KCTD1: variants seen among roughly 807,000 people sequenced by gnomAD.
The protein encoded by KCTD1 is potassium channel tetramerization domain containing 1.
In KCTD1, 24 loss-of-function variants were observed where a neutral mutation model predicts 66.0. That is an observed-to-expected ratio of 0.36 (90% CI 0.26 to 0.51). The LOEUF (loss-of-function observed/expected upper bound fraction) is 0.51. KCTD1 is among the 20% of genes least tolerant of loss of function. The pLI is 0.95. For synonymous variants in KCTD1, 511 were observed against 517.2 expected (o/e 0.99, Z 0.16); for missense variants, 943 against 1,205.2 (o/e 0.78, Z 3.22).
chr18:26,650,033 C>T (rs1988000537), intron 1 of KCTD1, among the ~76,000 whole-genome samples: 1 of 152,170 alleles, frequency 6.6e-6, no homozygotes, highest in Non-Finnish European at 1.5e-5. Context: ...TAAGTGTCTG[C>T]AGATTTTGGA....
intron 2 of KCTD1, among the ~76,000 whole-genome samples, chr18:26,479,385 C>CG (rs1555633746): frequency 2.6e-5 from 4 of 152,218 alleles, no homozygotes; most frequent in Non-Finnish European, 5.9e-5. Flanking sequence ...GGCCCTGTCT[C>CG]GGGGGCCCCC....
At chr18:26,464,377 G>A (rs1210962966) in intron 3 of KCTD1, among the ~76,000 whole-genome samples, 4 of 152,138 alleles carry the variant, frequency 2.6e-5, no homozygotes, top group African/African-American at 9.7e-5. Flanking sequence ...AATAAGGACC[G>A]CTGTGATTAT....
intron 1 of KCTD1, among the ~76,000 whole-genome samples, chr18:26,598,318 A>G (rs1986814057): frequency 6.6e-6 from 1 of 152,240 alleles, no homozygotes; most frequent in Non-Finnish European, 1.5e-5. Flanking sequence ...TATTCCATGT[A>G]GGGATGTACT....
chr18:26,584,769 A>G (rs1449785945), intron 1 of KCTD1, among the ~76,000 whole-genome samples: 1 of 152,176 alleles, frequency 6.6e-6, no homozygotes, highest in African/African-American at 2.4e-5. Flanking sequence ...AGGCTGAGGC[A>G]AGAAAGGGTT....
At chr18:26,584,758 G>A (rs1986434920) in intron 1 of KCTD1, among the ~76,000 whole-genome samples, 1 of 152,156 alleles carries the variant, frequency 6.6e-6, no homozygotes, top group Non-Finnish European at 1.5e-5. Context: ...TGTGATGATG[G>A]AGGCTGAGGC....
chr18:26,470,641 G>A (rs1050930682), intron 3 of KCTD1, among the ~76,000 whole-genome samples: 4 of 152,196 alleles, frequency 2.6e-5, no homozygotes, highest in Non-Finnish European at 4.4e-5. Flanking sequence ...AGTGTAAGCC[G>A]CTGTTAATTG....
At chr18:26,549,404 C>T, upstream of KCTD1, 1 of 985,538 alleles carries the variant, frequency 1.0e-6, no homozygotes. Flanking sequence ...GGGCGCTCCC[C>T]GTAGGTCTGG....
chr18:26,569,919 G>A (rs1252735777), intron 1 of KCTD1, among the ~76,000 whole-genome samples: 1 of 152,170 alleles, frequency 6.6e-6, no homozygotes, highest in Non-Finnish European at 1.5e-5. Flanking sequence ...GGGTGCAGTG[G>A]CTCACGCCTG....
chr18:26,571,030 T>C (rs1337912381), intron 1 of KCTD1, among the ~76,000 whole-genome samples: 2 of 152,250 alleles, frequency 1.3e-5, no homozygotes, highest in African/African-American at 2.4e-5. Context: ...TTATTGCTAA[T>C]TATAAAATAT....
At chr18:26,625,379 C>G (rs522724) in intron 1 of KCTD1, among the ~76,000 whole-genome samples, 128,997 of 152,096 alleles carry the variant, frequency 0.85, 55,632 homozygotes, top group Middle Eastern at 0.94. Context: ...GGGAGGGACC[C>G]AGTGGGAGAT....
At chr18:26,544,249 A>G (rs1985108279) in intron 1 of KCTD1, 2 of 152,238 alleles carry the variant, frequency 1.3e-5, no homozygotes, top group Admixed American at 1.3e-4. Flanking sequence ...AAAGCCAGAT[A>G]CTTCACATGA....
At chr18:26,503,804 G>A (rs1982891054) in intron 1 of KCTD1, among the ~76,000 whole-genome samples, 1 of 122,804 alleles carries the variant, frequency 8.1e-6, no homozygotes, top group Admixed American at 1.1e-4. Flanking sequence ...AAATGCAATG[G>A]ATATTGCTAA....
At chr18:26,546,225 TAAA>T in intron 1 of KCTD1, among the ~76,000 whole-genome samples, 1 of 142,096 alleles carries the variant, frequency 7.0e-6, no homozygotes, top group East Asian at 2.0e-4. Context: ...CCCTTTTCTT[TAAA>T]AAAAAAAAAA....
intron 1 of KCTD1, among the ~76,000 whole-genome samples, chr18:26,563,009 GCTC>G (rs1261389142): frequency 3.9e-5 from 6 of 152,148 alleles, no homozygotes; most frequent in African/African-American, 1.4e-4. Context: ...ATCCAAATCT[GCTC>G]CTCCTGCTTT....
In KCTD1 at chr18:26,495,555, G is replaced by A. The variant is rs147417942; in HGVS notation, c.1988+5517C>T. Among the ~76,000 whole-genome samples, 402 of 152,194 alleles carry A rather than the reference G, an allele frequency of 2.6e-3. 2 individuals are homozygous for A. Among genetic ancestry groups the A allele is most frequent in the African/African-American group, 9.0e-3 (375 of 41,518 alleles). On this transcript the variant is annotated intron_variant, in intron 2 of 4. Coordinates refer to ENST00000580059, the MANE Select transcript of KCTD1 (RefSeq NM_001142730.3). ...CAAGGCTGAAAGTAGAGTTTCTTGC[G>A]TTTTGCAATTACCTACATATGCCAG...
At chr18:26,558,650 G>C (rs1411994900) in intron 1 of KCTD1, among the ~76,000 whole-genome samples, 2 of 152,210 alleles carry the variant, frequency 1.3e-5, no homozygotes, top group Non-Finnish European at 2.9e-5. Flanking sequence ...TCGGCCAGGT[G>C]CAGTGGCTCA....
At chr18:26,554,150 C>T (rs1012241688) in intron 1 of KCTD1, among the ~76,000 whole-genome samples, 1 of 139,044 alleles carries the variant, frequency 7.2e-6, no homozygotes, top group Non-Finnish European at 1.6e-5. Context: ...ATCAAGGGAA[C>T]AATTCAGAAG....
intron 1 of KCTD1, among the ~76,000 whole-genome samples, chr18:26,609,675 T>A (rs567503627): frequency 6.6e-6 from 1 of 152,374 alleles, no homozygotes; most frequent in East Asian, 1.9e-4. Flanking sequence ...ATGCTAAGAC[T>A]GTTAACATGT....
At chr18:26,484,500 T>C (rs1193232357) in intron 2 of KCTD1, among the ~76,000 whole-genome samples, 1 of 152,170 alleles carries the variant, frequency 6.6e-6, no homozygotes, top group African/African-American at 2.4e-5. Context: ...TCAGGGCCAC[T>C]CGGGGGTAGC....
Sources: allele counts gnomAD v4.1 joint callset (sites outside exome capture counted in the v4.1 genomes callset), GRCh38; gene constraint gnomAD v4.1.1; transcripts MANE v1.5; gene names NCBI Gene and HGNC (gene_info 2026-07-23, HGNC 2026-07-21).